Variants in BFSP1 observed in about 807,000 individuals in gnomAD.
BFSP1 encodes the protein filensin.
Under a neutral mutation model 43.9 loss-of-function variants are expected in BFSP1, and 38 were observed. The ratio of observed to expected loss-of-function variants is 0.87; its 90% CI spans 0.67 to 1.14. BFSP1 has a LOEUF of 1.14. Ranked by LOEUF, BFSP1 falls within the 50% of genes most tolerant of loss-of-function variation. BFSP1 has a pLI of 0.00. For synonymous variants in BFSP1, 352 were observed against 354.8 expected (o/e 0.99, Z 0.09); for missense variants, 850 against 875.1 (o/e 0.97, Z 0.36).
chr20:17,552,810 A>G (rs1480036808), intron 1 of BFSP1, among the ~76,000 whole-genome samples: 1 of 152,206 alleles, frequency 6.6e-6, no homozygotes, highest in Non-Finnish European at 1.5e-5. Context: ...GATTTGGGGG[A>G]AAAATATCAA....
At position 17,564,262 on chromosome 20, in the gene BFSP1, G is replaced by C. The variant is rs2035095853; in HGVS notation, n.51-1167C>G. On this transcript the variant is annotated intron_variant and non_coding_transcript_variant, in intron 1 of 6. Transcript: ENST00000473415. ...TGAGCTTGTGGTCCCAGCTACTCAA[G>C]AGGCTGAGATTGGAGGATTGCTTGA... 4.6e-5 allele frequency among the ~76,000 whole-genome samples: 7 copies of C among 151,562 alleles called. No individual in the cohort carries two copies. In the South Asian group the frequency reaches 1.5e-3, roughly 32 times the overall value.
At position 17,545,015 on chromosome 20, in the gene BFSP1, A is replaced by G. The variant is rs138607490; in HGVS notation, c.2+13673T>C. The stretch of plus-strand genomic sequence containing the variant: ...TAATCTGATCATTTGTGTTCTTGTC[A>G]TGTGAAAAGGGGAAAGTCAATATTT... On this transcript the variant is annotated intron_variant, in intron 1 of 7. Transcript: ENST00000377868. Among the ~76,000 whole-genome samples, 77 of 152,358 alleles carry G rather than the reference A, an allele frequency of 5.1e-4. 1 individual carries two copies. The East Asian group carries it at 0.013, about 26-fold the overall frequency.
At chr20:17,524,376 G>A (rs2034377049) in intron 2 of BFSP1, among the ~76,000 whole-genome samples, 1 of 152,170 alleles carries the variant, frequency 6.6e-6, no homozygotes, top group Non-Finnish European at 1.5e-5. Flanking sequence ...TGGGGCTATT[G>A]GTCACGCTAT....
Position 17,542,497 on chromosome 20 carries a change from G to T in BFSP1, c.2+16191C>A, listed in dbSNP as rs541765105. On this transcript the variant is annotated intron_variant, in intron 1 of 7. Coordinates refer to the BFSP1 transcript ENST00000377868. ...ACCTGTAGTCTCTGCTACTCAGGAG[G>T]CTGAGGTGGGAGGATCACTAGAGCC... Among the ~76,000 whole-genome samples the T allele has an allele frequency of 1.2e-4, 19 of 152,078 alleles. No homozygotes were observed. The South Asian group carries it at 3.9e-3, about 32-fold the overall frequency.
intron 3 of BFSP1, among the ~76,000 whole-genome samples, chr20:17,513,228 C>A (rs954170643): frequency 2.0e-5 from 3 of 152,182 alleles, no homozygotes; most frequent in Non-Finnish European, 4.4e-5. Context: ...CCCTGTCCTG[C>A]CCTTTTCCTC....
chr20:17,497,481 C>CGT (rs1221100266), intron 6 of BFSP1, among the ~76,000 whole-genome samples: 1 of 92,218 alleles, frequency 1.1e-5, no homozygotes, highest in Admixed American at 1.2e-4. Flanking sequence ...CGTATATATA[C>CGT]GTGTGTATAT....
intron 2 of BFSP1, among the ~76,000 whole-genome samples, chr20:17,523,542 A>G (rs2034358494): frequency 6.6e-6 from 1 of 151,694 alleles, no homozygotes; most frequent in South Asian, 2.1e-4. Flanking sequence ...CCCAGCTCAG[A>G]TGTCCAACAG....
intron 1 of BFSP1, among the ~76,000 whole-genome samples, chr20:17,555,296 A>AG (rs1345151995): frequency 6.7e-6 from 1 of 150,372 alleles, no homozygotes; most frequent in East Asian, 1.9e-4. Context: ...CACAAAAAAA[A>AG]AAAAAAAAAA....
Position 17,530,953 on chromosome 20 carries a change from T to G in BFSP1, c.377A>C (p.Lys126Thr). 7.0e-7 allele frequency: 1 copy of G among 1,427,834 alleles called. No individual in the cohort carries two copies. The highest frequency in any genetic ancestry group is 9.1e-7 in the Non-Finnish European group (1 of 1,094,508). 88.4% of individuals were successfully genotyped at this position (1,427,834 alleles called of 1,614,324 possible). The stretch of plus-strand genomic sequence containing the variant: ...GTTTCCCCCGATGGCCGCCGCTTAC[T>G]TGCTTCGGAACTCGTCGAGCGCGCG... ...AQRALDEFRSKYENECECQLL... is the reference protein window; with the variant it reads ...AQRALDEFRSTYENECECQLL... Residue 126 changes from lysine (K) to threonine (T), a missense_variant and splice_region_variant, in exon 1 of 8, where the codon AAG becomes ACG. Lys to Thr is a moderately conservative substitution (Grantham distance 78). Transcript: ENST00000377873.
intron 2 of BFSP1, among the ~76,000 whole-genome samples, chr20:17,520,117 G>A (rs2034285036): frequency 6.6e-6 from 1 of 152,096 alleles, no homozygotes. Context: ...ACAACACCTG[G>A]GAACGGATCA....
At chr20:17,519,353 G>C (rs1199344315) in intron 2 of BFSP1, among the ~76,000 whole-genome samples, 1 of 152,178 alleles carries the variant, frequency 6.6e-6, no homozygotes, top group Non-Finnish European at 1.5e-5. Context: ...AGGGGCCACA[G>C]GCATCTCCCA....
chr20:17,556,091 A>C (rs1324151315), intron 1 of BFSP1, among the ~76,000 whole-genome samples: 2 of 152,234 alleles, frequency 1.3e-5, no homozygotes, highest in African/African-American at 4.8e-5. Flanking sequence ...TTAGACAAAA[A>C]GTTTTGGGGA....
upstream of BFSP1, among the ~76,000 whole-genome samples, chr20:17,532,103 G>GA (rs2034555418): frequency 6.6e-6 from 1 of 152,080 alleles, no homozygotes; most frequent in Non-Finnish European, 1.5e-5. Flanking sequence ...TTCTTGAATG[G>GA]AAAAAACAAA....
At chr20:17,546,459 G>A (rs1181498708) in intron 1 of BFSP1, among the ~76,000 whole-genome samples, 1 of 152,202 alleles carries the variant, frequency 6.6e-6, no homozygotes, top group Non-Finnish European at 1.5e-5. Flanking sequence ...CCAGCACTTT[G>A]TGAGGCCAAG....
At chr20:17,541,471 C>T (rs966518798) in intron 1 of BFSP1, among the ~76,000 whole-genome samples, 3 of 152,122 alleles carry the variant, frequency 2.0e-5, no homozygotes, top group Non-Finnish European at 2.9e-5. Flanking sequence ...GCTAGGTTTA[C>T]ATTGTCTGTC....
At chr20:17,497,124 C>A (rs1289180363) in intron 6 of BFSP1, 101 bp from the exon 7 acceptor site, 24 of 823,646 alleles carry the variant, frequency 2.9e-5, no homozygotes, top group Non-Finnish European at 4.0e-5. Context: ...TTCTCTAGAC[C>A]AAATTGCTCA....
rs6105762 is a variant in BFSP1 at position 17,494,045 on chromosome 20, T to C, written c.*29A>G. ...GCATTACCCCTACAGTGGCCCCAAA[T>C]ACATTTTATCCCATCAAGCCTGGGC... On this transcript the variant is annotated 3_prime_UTR_variant, in exon 8 of 8. Transcript: ENST00000377873. The C allele has an allele frequency of 6.4e-7, 1 of 1,562,510 alleles. No homozygotes were observed. The highest frequency in any genetic ancestry group is 1.8e-5 in the Admixed American group (1 of 54,712).
Position 17,526,102 on chromosome 20 carries a change from G to C in BFSP1, c.378-1194C>G, listed in dbSNP as rs962973590. 6.7e-5 allele frequency among the ~76,000 whole-genome samples: 8 copies of C among 118,970 alleles called. No individual in the cohort carries two copies. The Admixed American group carries it at 7.1e-4, about 11-fold the overall frequency. The allele number at this position is 118,970 out of a possible 152,430, so 78.0% of individuals were successfully genotyped here. The stretch of plus-strand genomic sequence containing the variant: ...TTTTGGATAAGCCAATGACATTTTG[G>C]GTAAGCCAGTATCACTTTTTCTGTT... On this transcript the variant is annotated intron_variant, in intron 1 of 7. Coordinates refer to ENST00000377873, the MANE Select transcript of BFSP1 (RefSeq NM_001195.5).
At chr20:17,516,966 A>AGACT in intron 2 of BFSP1, 1 of 757,032 alleles carries the variant, frequency 1.3e-6, no homozygotes, top group Non-Finnish European at 2.4e-6. Context: ...TGATCAGTAA[A>AGACT]GACTGATCTT....
Sources: gnomAD v4.1 joint callset for allele counts (sites outside exome capture counted in the v4.1 genomes callset) on GRCh38, gnomAD v4.1.1 for gene constraint, MANE v1.5 for transcripts, NCBI Gene and HGNC (gene_info 2026-07-23, HGNC 2026-07-21) for gene names.